The following TRIM28 variants were observed in gnomAD, a reference collection of about 807,000 sequenced individuals.
TRIM28 encodes transcription intermediary factor 1-beta.
A neutral mutation model predicts 87.4 loss-of-function variants in TRIM28; 8 were observed. The observed-to-expected ratio is 0.09, with a 90% CI of 0.05 to 0.17. The LOEUF is 0.17. Among genes scored for constraint, TRIM28 ranks in the 10% least tolerant of loss-of-function variants. The pLI is 1.00. For synonymous variants in TRIM28, 601 were observed against 454.3 expected (o/e 1.32, Z -4.11); for missense variants, 968 against 1,131.8 (o/e 0.86, Z 2.08).
chr19:58,545,043 G>GC lies in TRIM28; in HGVS notation c.291dup (p.Ala98ArgfsTer40). On this transcript the variant is annotated frameshift_variant, in exon 1 of 17. Transcript: ENST00000253024. LOFTEE classifies it high-confidence loss of function. ...CTGTAGTGCCTGCTTAGGGCCCGCG[G>GC]CCCCCGCCGCCGCCAACAGCTCGGG... 1 of 1,460,810 alleles carries GC rather than the reference G, an allele frequency of 6.8e-7. No homozygotes were observed. The highest frequency in any genetic ancestry group is 8.9e-7 in the Non-Finnish European group (1 of 1,120,232). 90.5% of individuals were successfully genotyped at this position (1,460,810 alleles called of 1,614,324 possible). A position where few individuals can be genotyped will look rare whatever the true frequency, so the allele number is the denominator to read the frequency against.
rs371277661 is a variant in TRIM28, at chr19:58,548,416, C to T, written c.1216+8C>T. ...AGAGTGCCGAGGCCTTTGGTGGGTC[C>T]CCAGCTTTACCTCACTCTGTTATTA... On this transcript the variant is annotated splice_region_variant and intron_variant, in intron 8 of 16. Coordinates refer to ENST00000253024, the MANE Select transcript of TRIM28 (RefSeq NM_005762.3). The T allele has an allele frequency of 7.4e-6, 12 of 1,613,990 alleles. No individual in the cohort carries two copies. Among genetic ancestry groups the T allele is most frequent in the African/African-American group, 1.3e-5 (1 of 74,920 alleles).
At position 58,549,098 on chromosome 19, in the gene TRIM28, A is replaced by G. The variant is rs780635389; in HGVS notation, c.1520A>G (p.Lys507Arg). 9 of 1,614,148 alleles carry G rather than the reference A, an allele frequency of 5.6e-6. No homozygotes were observed. The highest frequency in any genetic ancestry group is 2.7e-5 in the African/African-American group (2 of 75,056). Residue 507 changes from lysine (K) to arginine (R), a missense_variant, in exon 12 of 17, where the codon AAG becomes AGG. This residue lies in a region of TRIM28 where 23 missense variants were observed against 56.7 expected (regional missense o/e 0.41). Coordinates refer to ENST00000253024, the MANE Select transcript of TRIM28 (RefSeq NM_005762.3). The surrounding 1 kb of genome is among the most constrained non-coding windows in gnomAD (Gnocchi z 4.4). ...GCTGACAGCCAGCCACCCGTCTTCA[A>G]GGTCTTCCCAGGCAGTACCACTGAG... ...LTADSQPPVF[K>R]VFPGSTTEDY...
At position 58,544,862 on chromosome 19, in the gene TRIM28, C is replaced by T. The variant is rs1435815135; in HGVS notation, c.105C>T (p.Ala35=). The change falls in exon 1 of 17, where the codon GCC becomes GCT. Residue 35 remains alanine (A), a synonymous_variant. Coordinates refer to ENST00000253024, the MANE Select transcript of TRIM28 (RefSeq NM_005762.3). ...CTGGCGGCGAAAAGCGCTCCACCGC[C>T]CCTTCGGCCGCAGCCTCGGCCTCTG... The part of the protein sequence containing the change: ...GSAGGEKRST[A]PSAAASASAS... The T allele has an allele frequency of 1.4e-5, 18 of 1,307,578 alleles. No homozygotes were observed. Among genetic ancestry groups the T allele is most frequent in the South Asian group, 2.1e-5 (1 of 47,472 alleles). 81.0% of individuals were successfully genotyped at this position (1,307,578 alleles called of 1,614,324 possible). A position where few individuals can be genotyped will look rare whatever the true frequency, so the allele number is the denominator to read the frequency against.
chr19:58,545,656 T>G (rs2053755158), intron 2 of TRIM28, 108 bp from the exon 3 acceptor site: 1 of 1,535,464 alleles, frequency 6.5e-7, no homozygotes, highest in Non-Finnish European at 8.9e-7. Flanking sequence ...GTGGGCTGCC[T>G]AGGTTGGGTC....
intron 3 of TRIM28, among the ~76,000 whole-genome samples, chr19:58,546,554 G>A (rs943067825): frequency 1.3e-5 from 2 of 152,194 alleles, no homozygotes; most frequent in African/African-American, 4.8e-5. Context: ...GAAGGTGGTG[G>A]CTGTGGGGCC....
rs1733192669 is a variant in TRIM28, at chr19:58,545,066, G to C, written c.309G>C (p.Ser103=). 3.5e-6 allele frequency: 5 copies of C among 1,445,174 alleles called. No homozygotes were observed. Among genetic ancestry groups the C allele is most frequent in the Admixed American group, 3.2e-5 (1 of 31,644 alleles). 89.5% of individuals were successfully genotyped at this position (1,445,174 alleles called of 1,614,324 possible). A position where few individuals can be genotyped will look rare whatever the true frequency, so the allele number is the denominator to read the frequency against. The change falls in exon 1 of 17, where the codon TCG becomes TCC. Residue 103 remains serine, a synonymous_variant. Coordinates refer to ENST00000253024, the MANE Select transcript of TRIM28 (RefSeq NM_005762.3). ...GPAAPAAANS[S]GDGGAAGDGT... ...CGGCCCCCGCCGCCGCCAACAGCTC[G>C]GGGGACGGCGGGGCGGCGGGCGACG...
At chr19:58,545,225 T>C (rs888047724) in intron 1 of TRIM28, 128 bp downstream of exon 1, 1 of 984,468 alleles carries the variant, frequency 1.0e-6, no homozygotes, top group Non-Finnish European at 1.5e-6. Context: ...AAATACTTTC[T>C]GGGTCCTGCA....
rs767651511 is a variant in TRIM28 at position 58,550,407 on chromosome 19, C to T, written c.2362C>T (p.Leu788=). The T allele has an allele frequency of 6.2e-7, 1 of 1,614,082 alleles. No homozygotes were observed. Among genetic ancestry groups the T allele is most frequent in the Non-Finnish European group, 8.5e-7 (1 of 1,180,008 alleles). The change falls in exon 17 of 17, where the codon CTG becomes TTG. Residue 788 remains leucine, a synonymous_variant. Transcript: ENST00000253024. The stretch of plus-strand genomic sequence containing the variant: ...GGCAGACGTGCAGTCCATCATCGGC[C>T]TGCAGCGCTTCTTCGAGACGCGCAT... ...DKADVQSIIG[L]QRFFETRMNE... is the part of the protein sequence containing the mutation.
intron 3 of TRIM28, chr19:58,547,105 TC>T (rs1340636012): frequency 2.4e-6 from 1 of 414,974 alleles, no homozygotes; most frequent in Non-Finnish European, 4.4e-6. Flanking sequence ...GTCCTCTTTT[TC>T]TAGACGCTGT....
In TRIM28 at chr19:58,550,472, G is replaced by A. The variant is rs2053807277; in HGVS notation, c.2427G>A (p.Leu809=). Residue 809 remains leucine, a synonymous_variant, in exon 17 of 17, where the codon CTG becomes CTA. Coordinates refer to ENST00000253024, the MANE Select transcript of TRIM28 (RefSeq NM_005762.3). ...GTGACACCAAGTTCTCTGCTGTGCT[G>A]GTGGAGCCCCCGCCGATGAGCCTGC... ...AFGDTKFSAV[L]VEPPPMSLPG... The A allele has an allele frequency of 1.2e-6, 2 of 1,611,168 alleles. No individual in the cohort carries two copies. The highest frequency in any genetic ancestry group is 1.7e-6 in the Non-Finnish European group (2 of 1,179,984).
rs566586888 is a variant in TRIM28, at chr19:58,549,174, C to T, written c.1596C>T (p.Gly532=). The T allele has an allele frequency of 6.8e-6, 11 of 1,613,952 alleles. No homozygotes were observed. The Admixed American group carries it at 1.3e-4, about 20-fold the overall frequency. ...GTGGCGCTGCCGCTGCAGCTACCGG[C>T]CAGCCAGGGACTGCGCCTGCAGGAA... is the stretch of plus-strand genomic sequence containing the variant. ...IERGAAAAAT[G]QPGTAPAGTP... Residue 532 remains glycine (G), a synonymous_variant, in exon 12 of 17, where the codon GGC becomes GGT. Transcript: ENST00000253024. The surrounding 1 kb of genome is among the most constrained non-coding windows in gnomAD (Gnocchi z 4.4).
chr19:58,549,440 G>T lies in TRIM28; in HGVS notation c.1772G>T (p.Arg591Leu), dbSNP rs756130753. Residue 591 changes from arginine (R) to leucine (L), a missense_variant, in exon 13 of 17, where the codon CGC becomes CTC. This residue lies in a region of TRIM28 where 164 missense variants were observed against 146.2 expected (regional missense o/e 1.12). Coordinates refer to ENST00000253024, the MANE Select transcript of TRIM28 (RefSeq NM_005762.3). This position sits in a 1 kb window ranked among gnomAD's most constrained non-coding sequence, Gnocchi z 4.4. Reference protein sequence around the residue: ...LAEGPGAEGPRLASPSGSTSS... With the variant: ...LAEGPGAEGPLLASPSGSTSS... ...GAGGGTCCTGGTGCTGAGGGTCCCC[G>T]CCTGGCCTCACCTAGTGGCAGCACC... The T allele has an allele frequency of 1.9e-6, 3 of 1,608,878 alleles. No individual in the cohort carries two copies. The highest frequency in any genetic ancestry group is 2.6e-6 in the Non-Finnish European group (3 of 1,176,204).
intron 1 of TRIM28, 150 bp downstream of exon 1, chr19:58,545,247 G>A: frequency 1.1e-6 from 1 of 918,110 alleles, no homozygotes; most frequent in Non-Finnish European, 1.6e-6. Flanking sequence ...ACGAACGTGG[G>A]TTTGTGCTGG....
intron 15 of TRIM28, 29 bp downstream of exon 15, chr19:58,550,064 G>A: frequency 6.2e-7 from 1 of 1,613,818 alleles, no homozygotes; most frequent in Non-Finnish European, 8.5e-7. Context: ...AAGGGGAAGG[G>A]GGTGGTGGCT....
intron 6 of TRIM28, 61 bp downstream of exon 6, chr19:58,547,967 TG>T (rs2053775996): frequency 6.2e-7 from 1 of 1,613,298 alleles, no homozygotes; most frequent in African/African-American, 1.3e-5. Context: ...TGATGCTGTC[TG>T]GGGTGAGGAG....
chr19:58,547,262 C>T (rs1446607491), intron 3 of TRIM28, 114 bp from the exon 4 acceptor site: 3 of 1,384,008 alleles, frequency 2.2e-6, no homozygotes, highest in Non-Finnish European at 3.0e-6. Flanking sequence ...TACATCTTCC[C>T]AATAAATGGC....
Position 58,544,852 on chromosome 19 carries a change from G to C in TRIM28, c.95G>C (p.Arg32Pro). The C allele has an allele frequency of 7.7e-7, 1 of 1,292,528 alleles. No homozygotes were observed. The highest frequency in any genetic ancestry group is 9.8e-7 in the Non-Finnish European group (1 of 1,021,204). The allele number at this position is 1,292,528 out of a possible 1,614,324, so 80.1% of individuals were successfully genotyped here. Residue 32 changes from arginine to proline, a missense_variant, in exon 1 of 17, where the codon CGC becomes CCC. Arg to Pro is a moderately radical substitution (Grantham distance 103). This residue lies in a region of TRIM28 where 208 missense variants were observed against 170.9 expected (regional missense o/e 1.22). Coordinates refer to ENST00000253024, the MANE Select transcript of TRIM28 (RefSeq NM_005762.3). ...GAGGGCTCCGCTGGCGGCGAAAAGC[G>C]CTCCACCGCCCCTTCGGCCGCAGCC... Reference protein sequence around the residue: ...PGEGSAGGEKRSTAPSAAASA... With the variant: ...PGEGSAGGEKPSTAPSAAASA...
In TRIM28 at chr19:58,550,590, T is replaced by C. The variant is rs2053808995; in HGVS notation, c.*37T>C. Reference sequence around the variant, plus strand: ...CCATGGCCAGCCCAGCCTGGCTCTGTTCTCTGTCCTGTCACCCCATCCCCA... The same window carrying C: ...CCATGGCCAGCCCAGCCTGGCTCTGCTCTCTGTCCTGTCACCCCATCCCCA... On this transcript the variant is annotated 3_prime_UTR_variant, in exon 17 of 17. Coordinates refer to ENST00000253024, the MANE Select transcript of TRIM28 (RefSeq NM_005762.3). 6.3e-7 allele frequency: 1 copy of C among 1,580,088 alleles called. No individual in the cohort carries two copies.
At position 58,549,367 on chromosome 19, in the gene TRIM28, A is replaced by G. The variant is rs147365781; in HGVS notation, c.1699A>G (p.Thr567Ala). The G allele has an allele frequency of 4.0e-4, 629 of 1,571,132 alleles. 2 individuals are homozygous for G. The African/African-American group carries it at 7.2e-3, about 18-fold the overall frequency. ...ETEAAIGAPP[T>A]ATEGPETKPV... Reference sequence around the variant, plus strand: ...GGAGGCTGCCATTGGAGCCCCTCCTACTGCCACTGAGGGCCCTGAGACCAA... The same window carrying G: ...GGAGGCTGCCATTGGAGCCCCTCCTGCTGCCACTGAGGGCCCTGAGACCAA... Residue 567 changes from threonine (T) to alanine (A), a missense_variant, in exon 13 of 17, where the codon ACT (threonine) becomes GCT (alanine). Transcript: ENST00000253024. This position sits in a 1 kb window ranked among gnomAD's most constrained non-coding sequence, Gnocchi z 4.4.
Sources: allele counts gnomAD v4.1 joint callset (sites outside exome capture counted in the v4.1 genomes callset), GRCh38; gene constraint gnomAD v4.1.1; regional missense constraint gnomAD v4.1.1; non-coding constraint Gnocchi (gnomAD v3.1); transcripts MANE v1.5; gene names NCBI Gene and HGNC (gene_info 2026-07-23, HGNC 2026-07-21).